WFDC9: variants seen among roughly 807,000 people sequenced by gnomAD.
WFDC9 encodes the protein protein WFDC9.
A neutral mutation model predicts 9.5 loss-of-function variants in WFDC9; 9 were observed. That is an observed-to-expected ratio of 0.95 (90% CI 0.57 to 1.65). The LOEUF (loss-of-function observed/expected upper bound fraction) is 1.65, where lower values mean the gene tolerates loss of function less well. Among genes scored for constraint, WFDC9 ranks in the 40% most tolerant of loss-of-function variants. WFDC9 has a pLI of 0.00. For synonymous variants in WFDC9, 33 were observed against 32.3 expected (o/e 1.02, Z -0.07); for missense variants, 87 against 106.7 (o/e 0.82, Z 0.81).
chr20:45,622,060 A>C (rs1332412081), intron 1 of WFDC9, among the ~76,000 whole-genome samples: 1 of 152,204 alleles, frequency 6.6e-6, no homozygotes, highest in East Asian at 1.9e-4. Flanking sequence ...GCAGGCTTTC[A>C]AAAAGGGTCT....
chr20:45,625,998 T>C (rs529364493), intron 1 of WFDC9, among the ~76,000 whole-genome samples: 1 of 151,886 alleles, frequency 6.6e-6, no homozygotes, highest in Non-Finnish European at 1.5e-5. Context: ...ATTTTTGTAC[T>C]TTTAGTAGAG....
intron 1 of WFDC9, among the ~76,000 whole-genome samples, chr20:45,621,519 T>C (rs1982099947): frequency 6.6e-6 from 1 of 152,216 alleles, no homozygotes; most frequent in Non-Finnish European, 1.5e-5. Flanking sequence ...AAGTTCCCAT[T>C]GTTCTCAGAA....
At chr20:45,614,350 G>C (rs1033310419) in intron 2 of WFDC9, among the ~76,000 whole-genome samples, 9 of 152,278 alleles carry the variant, frequency 5.9e-5, no homozygotes, top group African/African-American at 2.2e-4. Flanking sequence ...GGATCAGAAA[G>C]ACACAGAACT....
chr20:45,620,412 A>G (rs1255572094), intron 1 of WFDC9, among the ~76,000 whole-genome samples: 1 of 152,010 alleles, frequency 6.6e-6, no homozygotes, highest in East Asian at 1.9e-4. Context: ...GCCAACATGG[A>G]GAAACCCCGT....
chr20:45,627,778 G>A (rs1048534500), intron 1 of WFDC9, among the ~76,000 whole-genome samples: 1 of 152,156 alleles, frequency 6.6e-6, no homozygotes, highest in African/African-American at 2.4e-5. Flanking sequence ...TCAGTTTTGA[G>A]TAATTGTCTT....
At chr20:45,608,419 G>A (rs6094179) in intron 4 of WFDC9, among the ~76,000 whole-genome samples, 1 of 152,078 alleles carries the variant, frequency 6.6e-6, no homozygotes, top group African/African-American at 2.4e-5. Flanking sequence ...ATGAACTGTT[G>A]GGTGATATGT....
chr20:45,620,121 T>C (rs1396224181), intron 1 of WFDC9, among the ~76,000 whole-genome samples: 2 of 152,194 alleles, frequency 1.3e-5, no homozygotes, highest in East Asian at 3.8e-4. Context: ...ACTTTGTAAG[T>C]ATTTTTAAGT....
intron 1 of WFDC9, among the ~76,000 whole-genome samples, chr20:45,625,807 CTTT>C (rs76758338): frequency 7.3e-4 from 34 of 46,406 alleles, no homozygotes; most frequent in African/African-American, 2.7e-3. Flanking sequence ...GTTCTCTATT[CTTT>C]TTTTTTTTTT....
chr20:45,616,577 C>T (rs554128372), intron 1 of WFDC9, among the ~76,000 whole-genome samples: 1 of 152,186 alleles, frequency 6.6e-6, no homozygotes, highest in South Asian at 2.1e-4. Flanking sequence ...TTTACTTTGC[C>T]CAGATCCATC....
chr20:45,623,991 G>T (rs1294662083), intron 1 of WFDC9, among the ~76,000 whole-genome samples: 2 of 152,038 alleles, frequency 1.3e-5, no homozygotes, highest in African/African-American at 4.8e-5. Context: ...AGGAGTTCAA[G>T]ACCAGCCTGG....
intron 1 of WFDC9, among the ~76,000 whole-genome samples, chr20:45,620,375 T>C (rs1422627542): frequency 6.6e-6 from 1 of 152,060 alleles, no homozygotes; most frequent in Non-Finnish European, 1.5e-5. Flanking sequence ...GTGGATTGCT[T>C]GAGGCCAGGA....
At chr20:45,630,811 CT>C in intron 1 of WFDC9, 1 of 1,502,328 alleles carries the variant, frequency 6.7e-7, no homozygotes, top group South Asian at 1.4e-5. Context: ...GAGGCTTCAG[CT>C]TGAGAAAAAT....
At position 45,620,649 on chromosome 20, in the gene WFDC9, G is replaced by A. The variant is rs546947196; in HGVS notation, c.-152-5928C>T. On this transcript the variant is annotated intron_variant, in intron 1 of 4. Transcript: ENST00000326000. The stretch of plus-strand genomic sequence containing the variant: ...TATAGATAATTTATTTTCATTTATT[G>A]AGGCCATTTTGTGTGTATGTGTGTG... Among the ~76,000 whole-genome samples, 13 of 152,260 alleles carry A rather than the reference G, an allele frequency of 8.5e-5. No individual in the cohort carries two copies. In the South Asian group the frequency reaches 2.3e-3, roughly 27 times the overall value.
intron 1 of WFDC9, among the ~76,000 whole-genome samples, chr20:45,629,365 C>G (rs1358008209): frequency 1.3e-5 from 2 of 151,774 alleles, no homozygotes; most frequent in Non-Finnish European, 2.9e-5. Flanking sequence ...ATAAGGGTGG[C>G]AAAAATAGAT....
At chr20:45,619,411 A>G (rs1982044467) in intron 1 of WFDC9, among the ~76,000 whole-genome samples, 2 of 152,206 alleles carry the variant, frequency 1.3e-5, no homozygotes, top group African/African-American at 2.4e-5. Flanking sequence ...CAATAATTCT[A>G]TATCTAGCAA....
chr20:45,617,845 T>C (rs917206318), intron 1 of WFDC9, among the ~76,000 whole-genome samples: 6 of 152,200 alleles, frequency 3.9e-5, no homozygotes, highest in Non-Finnish European at 7.3e-5. Context: ...GATTAACACA[T>C]ATTTTGTATG....
At chr20:45,617,171 T>C (rs1272207581) in intron 1 of WFDC9, among the ~76,000 whole-genome samples, 1 of 152,210 alleles carries the variant, frequency 6.6e-6, no homozygotes, top group African/African-American at 2.4e-5. Context: ...AAAATCTATG[T>C]ATAGGCCAAG....
At chr20:45,624,020 C>T (rs181527169) in intron 1 of WFDC9, among the ~76,000 whole-genome samples, 5 of 152,116 alleles carry the variant, frequency 3.3e-5, no homozygotes, top group East Asian at 3.9e-4. Context: ...GTGAAACACC[C>T]GTCTCTACTA....
chr20:45,630,865 G>A (rs1315759789), intron 1 of WFDC9: 2 of 1,592,796 alleles, frequency 1.3e-6, no homozygotes, highest in Non-Finnish European at 8.5e-7. Context: ...TATTCTCCTT[G>A]TCAGAAACAC....
Sources: allele counts gnomAD v4.1 joint callset (sites outside exome capture counted in the v4.1 genomes callset), GRCh38; gene constraint gnomAD v4.1.1; transcripts MANE v1.5; gene names NCBI Gene and HGNC (gene_info 2026-07-23, HGNC 2026-07-21).